NSMCE2: variants seen among roughly 807,000 people sequenced by gnomAD.
The protein encoded by NSMCE2 is E3 SUMO-protein ligase NSE2.
A neutral mutation model predicts 23.8 loss-of-function variants in NSMCE2; 24 were observed. That is an observed-to-expected ratio of 1.01 (90% CI 0.73 to 1.42). The LOEUF is 1.42. NSMCE2 is among the 40% of genes most tolerant of loss of function. The pLI is 0.00. For missense variants in NSMCE2, 284 were observed against 296.5 expected (o/e 0.96, Z 0.31); for synonymous variants, 92 against 94.1 (o/e 0.98, Z 0.13).
chr8:125,266,092 C>CTTTTTTTCT (rs1826899980), intron 5 of NSMCE2, among the ~76,000 whole-genome samples: 1 of 132,416 alleles, frequency 7.6e-6, no homozygotes, highest in South Asian at 2.4e-4. Context: ...CAAATTTTTT[C>CTTTTTTTCT]TTTTTTTTTT....
intron 5 of NSMCE2, among the ~76,000 whole-genome samples, chr8:125,309,001 T>G (rs766468670): frequency 5.3e-5 from 8 of 152,256 alleles, no homozygotes; most frequent in Non-Finnish European, 1.2e-4. Context: ...TCCCAGCACT[T>G]TGGGAGGCCG....
At position 125,106,765 on chromosome 8, in the gene NSMCE2, G is replaced by A. The variant is rs191350720; in HGVS notation, c.157+4278G>A. ...AATCCTAGCACTTTAGGAAGCCGAG[G>A]CTGGAGGATCACCTGAGTTCAGGAG... On this transcript the variant is annotated intron_variant, in intron 3 of 7. Coordinates refer to ENST00000287437, the MANE Select transcript of NSMCE2 (RefSeq NM_173685.4). 1.9e-3 allele frequency among the ~76,000 whole-genome samples: 282 copies of A among 151,910 alleles called. 2 individuals carry two copies. Among genetic ancestry groups the A allele is most frequent in the Middle Eastern group, 3.4e-3 (1 of 292 alleles).
At chr8:125,196,470 C>T (rs898327600) in intron 5 of NSMCE2, among the ~76,000 whole-genome samples, 4 of 152,104 alleles carry the variant, frequency 2.6e-5, no homozygotes, top group Non-Finnish European at 5.9e-5. Flanking sequence ...TCCTGTCCTT[C>T]TGATAGTTTC....
intron 3 of NSMCE2, among the ~76,000 whole-genome samples, chr8:125,110,800 T>C (rs1397218864): frequency 3.4e-5 from 5 of 145,846 alleles, no homozygotes; most frequent in African/African-American, 1.3e-4. Context: ...GATAATGTTA[T>C]CTGATTTTTT....
chr8:125,265,377 G>A (rs553675569), intron 5 of NSMCE2, among the ~76,000 whole-genome samples: 11 of 151,956 alleles, frequency 7.2e-5, no homozygotes, highest in African/African-American at 2.7e-4. Context: ...ATGCACCACT[G>A]TGCCCGGCTG....
intron 5 of NSMCE2, among the ~76,000 whole-genome samples, chr8:125,285,371 A>G (rs767126984): frequency 6.6e-6 from 1 of 152,044 alleles, no homozygotes; most frequent in Non-Finnish European, 1.5e-5. Context: ...TAGTTCTTGA[A>G]TTTTATAGAG....
rs559653403 is a variant in NSMCE2, at chr8:125,219,954, C to T, written c.418+37698C>T. On this transcript the variant is annotated intron_variant, in intron 5 of 7. Coordinates refer to ENST00000287437, the MANE Select transcript of NSMCE2 (RefSeq NM_173685.4). ...TAATACAGTGAGGCATACAACGTAGCCTGCCTTATGGTTAAGTTGGGTGTA... is the reference window on the plus strand; with the variant it reads ...TAATACAGTGAGGCATACAACGTAGTCTGCCTTATGGTTAAGTTGGGTGTA... Among the ~76,000 whole-genome samples, 468 of 152,300 alleles carry T rather than the reference C, an allele frequency of 3.1e-3. 3 individuals are homozygous for T. The highest frequency in any genetic ancestry group is 0.011 in the African/African-American group (451 of 41,560).
chr8:125,338,088 C>G (rs1830122126), intron 5 of NSMCE2, among the ~76,000 whole-genome samples: 1 of 151,916 alleles, frequency 6.6e-6, no homozygotes, highest in African/African-American at 2.4e-5. Context: ...AATTCTCATC[C>G]CTTTTCAGGC....
At chr8:125,258,145 G>A (rs1826523495) in intron 5 of NSMCE2, among the ~76,000 whole-genome samples, 1 of 152,190 alleles carries the variant, frequency 6.6e-6, no homozygotes, top group South Asian at 2.1e-4. Flanking sequence ...GATGTAAATA[G>A]TTTTATAAGA....
chr8:125,098,841 A>G (rs773198968), intron 1 of NSMCE2, among the ~76,000 whole-genome samples: 1 of 151,996 alleles, frequency 6.6e-6, no homozygotes, highest in Admixed American at 6.5e-5. Context: ...TCCATGTTGG[A>G]CGTTTTAAGT....
intron 5 of NSMCE2, among the ~76,000 whole-genome samples, chr8:125,185,074 C>A (rs909446653): frequency 3.3e-5 from 5 of 152,064 alleles, no homozygotes; most frequent in African/African-American, 1.2e-4. Flanking sequence ...AACATAAATA[C>A]ATGGGATTAC....
chr8:125,262,604 TTAC>T (rs1826741464), intron 5 of NSMCE2, among the ~76,000 whole-genome samples: 1 of 152,190 alleles, frequency 6.6e-6, no homozygotes, highest in South Asian at 2.1e-4. Flanking sequence ...CAGTCAGAGC[TTAC>T]TATGTGCCAG....
At chr8:125,312,213 G>A (rs2131235342) in intron 5 of NSMCE2, among the ~76,000 whole-genome samples, 1 of 152,170 alleles carries the variant, frequency 6.6e-6, no homozygotes, top group Non-Finnish European at 1.5e-5. Flanking sequence ...CTTTTCAAAA[G>A]ATTTGTTACA....
At chr8:125,198,669 C>T (rs1823735235) in intron 5 of NSMCE2, among the ~76,000 whole-genome samples, 1 of 152,148 alleles carries the variant, frequency 6.6e-6, no homozygotes, top group Non-Finnish European at 1.5e-5. Flanking sequence ...TGTGTCTCTG[C>T]CAGGCTTTGG....
At chr8:125,316,769 T>TTC (rs1231810924) in intron 5 of NSMCE2, among the ~76,000 whole-genome samples, 2 of 140,410 alleles carry the variant, frequency 1.4e-5, no homozygotes, top group Non-Finnish European at 3.1e-5. Flanking sequence ...CCTTCCTTCC[T>TTC]TCTCTCTCTC....
intron 5 of NSMCE2, among the ~76,000 whole-genome samples, chr8:125,347,450 T>G (rs1199801853): frequency 6.6e-6 from 1 of 152,230 alleles, no homozygotes. Flanking sequence ...TATATTTCAC[T>G]GATCACACAG....
intron 5 of NSMCE2, among the ~76,000 whole-genome samples, chr8:125,183,023 C>T (rs1229576759): frequency 6.6e-6 from 1 of 152,096 alleles, no homozygotes; most frequent in African/African-American, 2.4e-5. Context: ...GTCTTTGCTT[C>T]TTTTAGGATT....
At chr8:125,203,231 TTG>T (rs143782007) in intron 5 of NSMCE2, among the ~76,000 whole-genome samples, 26 of 150,922 alleles carry the variant, frequency 1.7e-4, no homozygotes, top group Admixed American at 9.2e-4. Flanking sequence ...ATCGTAAATG[TTG>T]TGTGTGTGTG....
chr8:125,279,288 T>C (rs1827603368), intron 5 of NSMCE2, among the ~76,000 whole-genome samples: 1 of 152,216 alleles, frequency 6.6e-6, no homozygotes, highest in African/African-American at 2.4e-5. Flanking sequence ...TTTTTTCTTA[T>C]ATATATTGCA....
Sources: allele counts gnomAD v4.1 joint callset (sites outside exome capture counted in the v4.1 genomes callset), GRCh38; gene constraint gnomAD v4.1.1; transcripts MANE v1.5; gene names NCBI Gene and HGNC (gene_info 2026-07-23, HGNC 2026-07-21).